The following DKK2 variants were observed in gnomAD, a reference collection of about 807,000 sequenced individuals.
The protein encoded by DKK2 is dickkopf Wnt signaling pathway inhibitor 2.
In DKK2, 11 loss-of-function variants were observed where a neutral mutation model predicts 28.1. That is an observed-to-expected ratio of 0.39 (90% CI 0.25 to 0.65). The LOEUF is 0.65. DKK2 is among the 30% of genes least tolerant of loss of function. The pLI is 0.47. For missense variants in DKK2, 326 were observed against 335.5 expected, an observed-to-expected ratio of 0.97 and a Z score of 0.22; for synonymous variants, 135 against 126.5, an observed-to-expected ratio of 1.07 and a Z score of -0.45.
chr4:107,001,266 C>A (rs1723355927), intron 1 of DKK2, among the ~76,000 whole-genome samples: 1 of 152,112 alleles, frequency 6.6e-6, no homozygotes, highest in Non-Finnish European at 1.5e-5. Context: ...TTCCCCAGAG[C>A]CTTCAGAGAG....
intron 1 of DKK2, among the ~76,000 whole-genome samples, chr4:107,032,952 A>G (rs1032889642): frequency 9.3e-5 from 14 of 150,946 alleles, no homozygotes; most frequent in Non-Finnish European, 1.8e-4. Flanking sequence ...TAATAATACT[A>G]AGAATGTTGG....
chr4:107,002,149 A>G (rs1313368241), intron 1 of DKK2, among the ~76,000 whole-genome samples: 1 of 152,182 alleles, frequency 6.6e-6, no homozygotes, highest in Non-Finnish European at 1.5e-5. Context: ...TTTCAAAACC[A>G]TCTGTTAGGG....
At chr4:106,938,487 A>C (rs1324588585) in intron 1 of DKK2, among the ~76,000 whole-genome samples, 1 of 152,338 alleles carries the variant, frequency 6.6e-6, no homozygotes, top group East Asian at 1.9e-4. Flanking sequence ...ATAGCTTACC[A>C]ACTAAAAAGA....
chr4:106,985,334 G>C (rs1246705481), intron 1 of DKK2, among the ~76,000 whole-genome samples: 2 of 152,060 alleles, frequency 1.3e-5, no homozygotes, highest in Non-Finnish European at 2.9e-5. Flanking sequence ...TGTGGTGATG[G>C]TGTGATGATG....
chr4:107,014,429 TA>T (rs1167491350), intron 1 of DKK2, among the ~76,000 whole-genome samples: 6 of 151,484 alleles, frequency 4.0e-5, no homozygotes, highest in Admixed American at 4.0e-4. Flanking sequence ...ATGTAGGATC[TA>T]AAAAAGTTGA....
intron 1 of DKK2, among the ~76,000 whole-genome samples, chr4:106,971,233 A>G (rs759812805): frequency 6.6e-6 from 1 of 152,140 alleles, no homozygotes; most frequent in Non-Finnish European, 1.5e-5. Flanking sequence ...TCTAAGTGAT[A>G]CTGAGCCATT....
At chr4:106,951,117 C>T (rs1724852890) in intron 1 of DKK2, among the ~76,000 whole-genome samples, 1 of 151,920 alleles carries the variant, frequency 6.6e-6, no homozygotes, top group Admixed American at 6.6e-5. Flanking sequence ...ATCAAATTTA[C>T]CTGCCTCTTG....
chr4:106,956,707 A>G (rs1437867141), intron 1 of DKK2, among the ~76,000 whole-genome samples: 14 of 152,112 alleles, frequency 9.2e-5, no homozygotes, highest in African/African-American at 3.4e-4. Context: ...ATATGTAGAA[A>G]GCTGAAGCTG....
chr4:106,973,897 T>C (rs1378563685), intron 1 of DKK2, among the ~76,000 whole-genome samples: 1 of 152,220 alleles, frequency 6.6e-6, no homozygotes, highest in African/African-American at 2.4e-5. Context: ...TAATCCATCT[T>C]GAGTTAATTT....
At chr4:107,023,977 A>T (rs2110374720) in intron 1 of DKK2, among the ~76,000 whole-genome samples, 1 of 152,294 alleles carries the variant, frequency 6.6e-6, no homozygotes, top group South Asian at 2.1e-4. Flanking sequence ...ACAATATAAT[A>T]ATGTGTTTTC....
chr4:107,035,333 T>A, intron 1 of DKK2, 37 bp downstream of exon 1: 1 of 1,609,076 alleles, frequency 6.2e-7, no homozygotes, highest in Non-Finnish European at 8.5e-7. Flanking sequence ...GGCCCCTGCC[T>A]CTTCTGTCTG....
chr4:106,936,433 A>G (rs562537114), intron 1 of DKK2, among the ~76,000 whole-genome samples: 1 of 152,330 alleles, frequency 6.6e-6, no homozygotes, highest in East Asian at 1.9e-4. Context: ...ATAAAAAGAA[A>G]TGAGCAAAGC....
intron 1 of DKK2, among the ~76,000 whole-genome samples, chr4:106,943,881 CATGTGGGAGCTATGACA>C (rs1724738216): frequency 6.6e-6 from 1 of 152,072 alleles, no homozygotes; most frequent in Non-Finnish European, 1.5e-5. Flanking sequence ...AAGCCTATGG[CATGTGGGAGCTATGACA>C]ATAGGTGTTT....
At chr4:106,967,134 C>T (rs1342332083) in intron 1 of DKK2, among the ~76,000 whole-genome samples, 1 of 152,128 alleles carries the variant, frequency 6.6e-6, no homozygotes, top group African/African-American at 2.4e-5. Context: ...GCACTTATCA[C>T]AGGCCAGGCA....
intron 1 of DKK2, among the ~76,000 whole-genome samples, chr4:107,022,852 G>A (rs1044361621): frequency 1.3e-5 from 2 of 152,108 alleles, no homozygotes; most frequent in Non-Finnish European, 2.9e-5. Flanking sequence ...TGCTTTGGAG[G>A]AGGGATAGAA....
intron 1 of DKK2, among the ~76,000 whole-genome samples, chr4:106,950,570 T>C (rs889883945): frequency 1.3e-5 from 2 of 152,062 alleles, no homozygotes; most frequent in African/African-American, 4.8e-5. Flanking sequence ...GCTTCTAGGT[T>C]CTTTCTTACT....
intron 1 of DKK2, among the ~76,000 whole-genome samples, chr4:106,975,316 T>G (rs1023497455): frequency 9.2e-5 from 14 of 152,108 alleles, no homozygotes; most frequent in African/African-American, 3.4e-4. Flanking sequence ...CAGAAGGAAT[T>G]GTACCAGCTC....
At chr4:107,026,199 A>T (rs552713192) in intron 1 of DKK2, among the ~76,000 whole-genome samples, 57 of 152,178 alleles carry the variant, frequency 3.7e-4, no homozygotes, top group Middle Eastern at 3.2e-3. Context: ...TTTCTATAAA[A>T]CTATCTTTAA....
chr4:107,018,239 A>G (rs1723640273), intron 1 of DKK2, among the ~76,000 whole-genome samples: 1 of 152,086 alleles, frequency 6.6e-6, no homozygotes, highest in Non-Finnish European at 1.5e-5. Context: ...GGAGGAGAGT[A>G]TGGTGTCAGA....
Sources: gnomAD v4.1 joint callset for allele counts (sites outside exome capture counted in the v4.1 genomes callset) on GRCh38, gnomAD v4.1.1 for gene constraint, MANE v1.5 for transcripts, NCBI Gene and HGNC (gene_info 2026-07-23, HGNC 2026-07-21) for gene names.